Variants in AGBL1 observed in about 807,000 individuals in gnomAD.
AGBL1 encodes the protein AGBL carboxypeptidase 1, also known as cytosolic carboxypeptidase 4.
Under a neutral mutation model 118.9 loss-of-function variants are expected in AGBL1, and 130 were observed. The ratio of observed to expected loss-of-function variants is 1.09; its 90% CI spans 0.95 to 1.26. AGBL1 has a LOEUF of 1.26. Ranked by LOEUF, AGBL1 falls within the 50% of genes most tolerant of loss-of-function variation. The probability of loss-of-function intolerance (pLI) is 0.00; values close to 1 mark genes in which losing one functional copy is unlikely to be tolerated. For synonymous variants in AGBL1, 555 were observed against 478.9 expected, an observed-to-expected ratio of 1.16 and a Z score of -2.08; for missense variants, 1,584 against 1,298.1, an observed-to-expected ratio of 1.22 and a Z score of -3.38.
chr15:86,644,113 GATTAT>G (rs1316966701), intron 21 of AGBL1, among the ~76,000 whole-genome samples: 1 of 152,092 alleles, frequency 6.6e-6, no homozygotes, highest in Non-Finnish European at 1.5e-5. Flanking sequence ...TTTATATGCT[GATTAT>G]ATTAATCTAA....
At chr15:86,190,335 TACTA>T (rs1216577748) in intron 5 of AGBL1, among the ~76,000 whole-genome samples, 5 of 152,140 alleles carry the variant, frequency 3.3e-5, no homozygotes, top group African/African-American at 7.2e-5. Context: ...TATTAATTAC[TACTA>T]ACTACCACTT....
At chr15:86,896,315 C>T (rs145763029) in intron 22 of AGBL1, among the ~76,000 whole-genome samples, 1 of 151,572 alleles carries the variant, frequency 6.6e-6, no homozygotes, top group African/African-American at 2.4e-5. Flanking sequence ...CCTCATTTGA[C>T]TTATGATTTG....
chr15:86,571,906 C>T (rs1458014051), intron 21 of AGBL1, among the ~76,000 whole-genome samples: 1 of 152,152 alleles, frequency 6.6e-6, no homozygotes, highest in African/African-American at 2.4e-5. Flanking sequence ...TGCCGCTGTT[C>T]TCCACACCCA....
chr15:86,779,713 G>A (rs2141304772), intron 22 of AGBL1, among the ~76,000 whole-genome samples: 1 of 152,034 alleles, frequency 6.6e-6, no homozygotes, highest in East Asian at 1.9e-4. Context: ...CTGATTTTTT[G>A]TAATGGGGAA....
intron 18 of AGBL1, among the ~76,000 whole-genome samples, chr15:86,441,814 G>A (rs1470298932): frequency 2.0e-5 from 3 of 152,208 alleles, no homozygotes; most frequent in Non-Finnish European, 4.4e-5. Flanking sequence ...TGATCACAGG[G>A]AAGAGACAAG....
chr15:86,444,027 A>T (rs80305501), intron 18 of AGBL1, among the ~76,000 whole-genome samples: 6,397 of 152,274 alleles, frequency 0.042, 196 homozygotes, highest in South Asian at 0.098. Context: ...GCGGAATATC[A>T]GTACTGTTTT....
chr15:86,876,579 TTTC>T (rs1325422771), intron 22 of AGBL1, among the ~76,000 whole-genome samples: 1 of 152,204 alleles, frequency 6.6e-6, no homozygotes, highest in African/African-American at 2.4e-5. Flanking sequence ...TGATTATGGT[TTTC>T]TTCTGGAGCT....
intron 23 of AGBL1, among the ~76,000 whole-genome samples, chr15:86,937,866 C>T (rs1168497024): frequency 6.6e-6 from 1 of 152,202 alleles, no homozygotes; most frequent in South Asian, 2.1e-4. Flanking sequence ...CCCTGTTGCA[C>T]AGCCTCAGCA....
intron 21 of AGBL1, among the ~76,000 whole-genome samples, chr15:86,660,644 G>A (rs1596345821): frequency 6.6e-6 from 1 of 151,892 alleles, no homozygotes; most frequent in African/African-American, 2.4e-5. Flanking sequence ...CTCAGTATGA[G>A]TTTTATACAG....
chr15:86,565,107 G>A (rs1050579081), intron 21 of AGBL1, among the ~76,000 whole-genome samples: 3 of 152,048 alleles, frequency 2.0e-5, no homozygotes, highest in Admixed American at 1.3e-4. Flanking sequence ...AAGTTTGATC[G>A]TCTGAAGCCT....
intron 5 of AGBL1, among the ~76,000 whole-genome samples, chr15:86,218,520 A>G (rs1180146038): frequency 1.3e-5 from 2 of 152,156 alleles, no homozygotes; most frequent in Non-Finnish European, 2.9e-5. Flanking sequence ...GATGGGAAAG[A>G]GCTGAAACTT....
chr15:86,590,968 C>A (rs976830871), intron 21 of AGBL1, among the ~76,000 whole-genome samples: 4 of 152,192 alleles, frequency 2.6e-5, no homozygotes, highest in African/African-American at 4.8e-5. Flanking sequence ...TTGTGTTCAA[C>A]TTTTCTCAGT....
chr15:86,082,991 G>T (rs1286783347), intron 1 of AGBL1, among the ~76,000 whole-genome samples: 6 of 152,318 alleles, frequency 3.9e-5, no homozygotes, highest in Admixed American at 1.3e-4. Flanking sequence ...TAAAACAAGG[G>T]CCTTAAAAAT....
At chr15:86,103,889 A>C (rs1229676565) in intron 1 of AGBL1, among the ~76,000 whole-genome samples, 1 of 151,488 alleles carries the variant, frequency 6.6e-6, no homozygotes, top group Non-Finnish European at 1.5e-5. Context: ...GGCCAGGTGG[A>C]TGGGTGGGTC....
intron 23 of AGBL1, among the ~76,000 whole-genome samples, chr15:86,936,468 G>A (rs951809188): frequency 3.3e-5 from 5 of 152,082 alleles, no homozygotes; most frequent in Non-Finnish European, 5.9e-5. Flanking sequence ...GTAGATAGGG[G>A]AATGTTAGCA....
intron 22 of AGBL1, among the ~76,000 whole-genome samples, chr15:86,740,253 C>T (rs1296962842): frequency 2.0e-5 from 3 of 152,190 alleles, no homozygotes; most frequent in Non-Finnish European, 2.9e-5. Context: ...ACTGGGATTG[C>T]CCCAGACCTT....
At chr15:86,978,235 A>T (rs543160496) in intron 23 of AGBL1, among the ~76,000 whole-genome samples, 5 of 152,258 alleles carry the variant, frequency 3.3e-5, no homozygotes, top group Admixed American at 1.3e-4. Context: ...CAACAAGACT[A>T]AAAAAAGAAT....
intron 18 of AGBL1, among the ~76,000 whole-genome samples, chr15:86,517,906 A>G (rs1399512353): frequency 6.6e-6 from 1 of 152,138 alleles, no homozygotes; most frequent in East Asian, 1.9e-4. Context: ...GCTTTCATGC[A>G]TCTCTTTGCC....
chr15:86,497,501 A>G (rs1330181224), intron 18 of AGBL1, among the ~76,000 whole-genome samples: 1 of 152,008 alleles, frequency 6.6e-6, no homozygotes, highest in East Asian at 1.9e-4. Context: ...ATAATTTTCA[A>G]AACATTTCTG....
Sources: allele counts gnomAD v4.1 joint callset (sites outside exome capture counted in the v4.1 genomes callset), GRCh38; gene constraint gnomAD v4.1.1; transcripts MANE v1.5; gene names NCBI Gene and HGNC (gene_info 2026-07-23, HGNC 2026-07-21).